Variants in NARS2 observed in about 807,000 individuals in gnomAD.
NARS2 encodes asparaginyl-tRNA synthetase.
A neutral mutation model predicts 62.9 loss-of-function variants in NARS2; 60 were observed. That is an observed-to-expected ratio of 0.95 (90% CI 0.77 to 1.18). The LOEUF (loss-of-function observed/expected upper bound fraction) is 1.18, where lower values mean the gene tolerates loss of function less well. NARS2 is among the 50% of genes most tolerant of loss of function. The pLI is 0.00. For synonymous variants in NARS2, 196 were observed against 200.0 expected (o/e 0.98, Z 0.17); for missense variants, 619 against 576.4 (o/e 1.07, Z -0.76).
At chr11:78,551,797 G>C (rs565047404) in intron 5 of NARS2, among the ~76,000 whole-genome samples, 37 of 152,140 alleles carry the variant, frequency 2.4e-4, no homozygotes, top group South Asian at 1.5e-3. Flanking sequence ...GTTGCAGTGA[G>C]CCAAGATTGC....
At chr11:78,544,347 G>C (rs969680592) in intron 5 of NARS2, among the ~76,000 whole-genome samples, 3 of 152,176 alleles carry the variant, frequency 2.0e-5, no homozygotes, top group African/African-American at 4.8e-5. Context: ...CTGAAATTTA[G>C]TGGGTACTAC....
At chr11:78,466,038 C>T (rs1457642427) in intron 10 of NARS2, 25 bp from the exon 11 acceptor site, 20 of 1,561,866 alleles carry the variant, frequency 1.3e-5, no homozygotes, top group Non-Finnish European at 1.7e-5. Flanking sequence ...AAGAAATGAC[C>T]AAAAGAGGAG....
chr11:78,480,137 C>T (rs1859283519), intron 7 of NARS2, among the ~76,000 whole-genome samples: 1 of 152,110 alleles, frequency 6.6e-6, no homozygotes, highest in Non-Finnish European at 1.5e-5. Context: ...TAAGCTCAAG[C>T]GATCCTCCCT....
intron 4 of NARS2, among the ~76,000 whole-genome samples, chr11:78,562,111 A>C (rs1008863856): frequency 5.9e-5 from 9 of 152,170 alleles, no homozygotes; most frequent in Non-Finnish European, 1.0e-4. Flanking sequence ...CAATTTGGAG[A>C]CATTCTACAC....
chr11:78,565,657 G>A (rs77243174), intron 4 of NARS2, among the ~76,000 whole-genome samples: 2,282 of 152,288 alleles, frequency 0.015, 53 homozygotes, highest in African/African-American at 0.052. Flanking sequence ...GCATTTGTGT[G>A]AGGAAACTAT....
intron 5 of NARS2, among the ~76,000 whole-genome samples, chr11:78,552,728 G>A (rs924500631): frequency 9.9e-5 from 15 of 152,048 alleles, no homozygotes; most frequent in Admixed American, 2.6e-4. Context: ...TTTCTGGATC[G>A]AACCAATGTT....
intron 5 of NARS2, among the ~76,000 whole-genome samples, chr11:78,537,906 T>C (rs989925148): frequency 2.0e-4 from 30 of 152,236 alleles, no homozygotes; most frequent in East Asian, 9.6e-4. Context: ...AGTCTCCCCT[T>C]ATCCACAGTT....
At chr11:78,573,391 TAG>T (rs1304870550) in intron 1 of NARS2, 2 of 152,160 alleles carry the variant, frequency 1.3e-5, no homozygotes, top group Non-Finnish European at 2.9e-5. Flanking sequence ...TAAAAAATTA[TAG>T]AGTGTGGTGG....
At chr11:78,512,074 C>T (rs932170831) in intron 6 of NARS2, among the ~76,000 whole-genome samples, 4 of 152,204 alleles carry the variant, frequency 2.6e-5, no homozygotes, top group Non-Finnish European at 5.9e-5. Flanking sequence ...CACCTCATTG[C>T]CAACATAAAT....
At chr11:78,543,956 G>A (rs372599746) in intron 5 of NARS2, among the ~76,000 whole-genome samples, 7 of 150,354 alleles carry the variant, frequency 4.7e-5, no homozygotes, top group Non-Finnish European at 7.4e-5. Flanking sequence ...GCTTGAACCC[G>A]GGAGGTGGAG....
chr11:78,515,077 C>T (rs1860854823), intron 6 of NARS2, among the ~76,000 whole-genome samples: 1 of 152,134 alleles, frequency 6.6e-6, no homozygotes, highest in Non-Finnish European at 1.5e-5. Context: ...ACCAATATGG[C>T]AAAGCATGGA....
intron 6 of NARS2, among the ~76,000 whole-genome samples, chr11:78,508,224 T>G (rs1299252093): frequency 6.6e-6 from 1 of 151,830 alleles, no homozygotes; most frequent in Admixed American, 6.6e-5. Flanking sequence ...AAAAAATGAA[T>G]AGAGATTAAG....
chr11:78,510,212 CAA>C lies in NARS2; in HGVS notation c.690-17019_690-17018del, dbSNP rs1172655786. Among the ~76,000 whole-genome samples, 53 of 152,070 alleles carry C rather than the reference CAA, an allele frequency of 3.5e-4. No individual in the cohort carries two copies. The East Asian group carries it at 9.5e-3, about 27-fold the overall frequency. ...GCAGAATGGATTTTTTAAAATGACCCAATTATATGCTGTCTATAAAAGATTCA... is the reference window on the plus strand; with the variant it reads ...GCAGAATGGATTTTTTAAAATGACCCTTATATGCTGTCTATAAAAGATTCA... On this transcript the variant is annotated intron_variant, in intron 6 of 13. Coordinates refer to ENST00000281038, the MANE Select transcript of NARS2 (RefSeq NM_024678.6).
At chr11:78,461,026 AGGTGATACG>A (rs1858372785) in intron 11 of NARS2, among the ~76,000 whole-genome samples, 1 of 152,218 alleles carries the variant, frequency 6.6e-6, no homozygotes, top group Non-Finnish European at 1.5e-5. Flanking sequence ...GGATGTGCAT[AGGTGATACG>A]CATACTACGT....
At chr11:78,567,789 A>G (rs995122408) in intron 3 of NARS2, among the ~76,000 whole-genome samples, 12 of 152,210 alleles carry the variant, frequency 7.9e-5, no homozygotes, top group East Asian at 1.9e-4. Context: ...CAATTTTCCT[A>G]TATTTCCTCA....
chr11:78,449,709 G>A (rs1857896861), intron 11 of NARS2, among the ~76,000 whole-genome samples: 1 of 152,002 alleles, frequency 6.6e-6, no homozygotes, highest in Non-Finnish European at 1.5e-5. Flanking sequence ...TTGTTGTGGA[G>A]GCCTCAACTG....
At chr11:78,474,168 G>T (rs1290269468) in intron 9 of NARS2, among the ~76,000 whole-genome samples, 1 of 152,084 alleles carries the variant, frequency 6.6e-6, no homozygotes, top group Non-Finnish European at 1.5e-5. Context: ...AAATTACCTA[G>T]TCTGACATAT....
At chr11:78,455,115 G>T (rs1434754487) in intron 11 of NARS2, among the ~76,000 whole-genome samples, 1 of 151,992 alleles carries the variant, frequency 6.6e-6, no homozygotes, top group African/African-American at 2.4e-5. Flanking sequence ...CATTCTATAT[G>T]TCAGGTTAAT....
chr11:78,508,300 A>T (rs1860580295), intron 6 of NARS2, among the ~76,000 whole-genome samples: 2 of 152,202 alleles, frequency 1.3e-5, no homozygotes, highest in Admixed American at 1.3e-4. Flanking sequence ...GAGAAGAGAG[A>T]AAAAGGCAAA....
Sources: allele counts gnomAD v4.1 joint callset (sites outside exome capture counted in the v4.1 genomes callset), GRCh38; gene constraint gnomAD v4.1.1; transcripts MANE v1.5; gene names NCBI Gene and HGNC (gene_info 2026-07-23, HGNC 2026-07-21).